GALNT18: variants seen among roughly 807,000 people sequenced by gnomAD.
The protein encoded by GALNT18 is polypeptide N-acetylgalactosaminyltransferase 18.
GALNT18 carries 44 observed loss-of-function variants against 69.5 expected under a neutral mutation model. The ratio of observed to expected loss-of-function variants is 0.63; its 90% CI spans 0.50 to 0.81. The LOEUF (loss-of-function observed/expected upper bound fraction) is 0.81, where lower values mean the gene tolerates loss of function less well. GALNT18 is among the 40% of genes least tolerant of loss of function. The pLI is 0.00. For synonymous variants in GALNT18, 364 were observed against 318.2 expected, an observed-to-expected ratio of 1.14 and a Z score of -1.53; for missense variants, 715 against 810.0, an observed-to-expected ratio of 0.88 and a Z score of 1.42.
intron 3 of GALNT18, among the ~76,000 whole-genome samples, chr11:11,403,166 C>T (rs889279855): frequency 3.9e-5 from 6 of 152,172 alleles, no homozygotes; most frequent in African/African-American, 1.2e-4. Context: ...TTGCGGCATC[C>T]TTCTCAAAGC....
chr11:11,604,034 T>A lies in GALNT18; in HGVS notation c.235+17325A>T, dbSNP rs1280256373. The stretch of plus-strand genomic sequence containing the variant: ...CCTCAGAAAGCTGTTTTGTCTATTC[T>A]ACCATGTGAAACACAAAGGTGCCAT... On this transcript the variant is annotated intron_variant, in intron 1 of 10. Transcript: ENST00000227756. The surrounding 1 kb of genome is among the most constrained non-coding windows in gnomAD (Gnocchi z 5.6). 6.6e-6 allele frequency among the ~76,000 whole-genome samples: 1 copy of A among 152,162 alleles called. No homozygotes were observed. Among genetic ancestry groups the A allele is most frequent in the Non-Finnish European group, 1.5e-5 (1 of 68,030 alleles).
chr11:11,275,812 CAG>C (rs1848931927), intron 10 of GALNT18, among the ~76,000 whole-genome samples: 1 of 151,918 alleles, frequency 6.6e-6, no homozygotes, highest in African/African-American at 2.4e-5. Context: ...TTGCTTGTTT[CAG>C]TCAGGTTTGT....
chr11:11,399,541 T>C (rs1854414345), intron 3 of GALNT18, among the ~76,000 whole-genome samples: 1 of 152,124 alleles, frequency 6.6e-6, no homozygotes, highest in African/African-American at 2.4e-5. Context: ...CAGGAACACA[T>C]GTAAACAACA....
At chr11:11,323,501 G>C (rs950430599) in intron 9 of GALNT18, among the ~76,000 whole-genome samples, 3 of 152,220 alleles carry the variant, frequency 2.0e-5, no homozygotes, top group Non-Finnish European at 4.4e-5. Context: ...CTGCCCTCCA[G>C]GTCCACTGGG....
In GALNT18 at chr11:11,271,221, C is replaced by T. The variant is rs202042081; in HGVS notation, c.1747G>A (p.Gly583Ser). 106 of 1,614,084 alleles carry T rather than the reference C, an allele frequency of 6.6e-5. No individual in the cohort carries two copies. Among genetic ancestry groups the T allele is most frequent in the Middle Eastern group, 3.3e-4 (2 of 6,060 alleles). Residue 583 changes from glycine to serine, a missense_variant, in exon 11 of 11, where the codon GGC becomes AGC. By Grantham distance (56) the Gly-to-Ser change is moderately conservative. Coordinates refer to ENST00000227756, the MANE Select transcript of GALNT18 (RefSeq NM_198516.3). ...CACTTCTGCAACACCAGCTGGAAGC[C>T]GAACTCCAGGTCGCTATTCTCCTGC... ...ELQENSDLEF[G>S]FQLVLQKCSG...
chr11:11,374,365 C>T (rs1269959645), intron 5 of GALNT18, among the ~76,000 whole-genome samples: 2 of 152,206 alleles, frequency 1.3e-5, no homozygotes, highest in African/African-American at 4.8e-5. Context: ...TGGGACATAA[C>T]TGGCACTCAA....
chr11:11,479,441 A>G (rs1163595458), intron 1 of GALNT18, among the ~76,000 whole-genome samples: 1 of 152,222 alleles, frequency 6.6e-6, no homozygotes, highest in African/African-American at 2.4e-5. Flanking sequence ...ATTGAATCAG[A>G]AAACAGTGGT....
chr11:11,530,906 A>T (rs1398683540), intron 1 of GALNT18, among the ~76,000 whole-genome samples: 4 of 152,204 alleles, frequency 2.6e-5, no homozygotes, highest in African/African-American at 9.6e-5. Flanking sequence ...CCAAGGAGGT[A>T]GGGTCAAGTG....
intron 3 of GALNT18, among the ~76,000 whole-genome samples, chr11:11,399,605 G>T (rs1854415878): frequency 6.6e-6 from 1 of 152,216 alleles, no homozygotes; most frequent in South Asian, 2.1e-4. Context: ...GAGAGTCAGT[G>T]CAGTATAATG....
chr11:11,408,274 C>T (rs1024270383), intron 3 of GALNT18, among the ~76,000 whole-genome samples: 15 of 145,130 alleles, frequency 1.0e-4, no homozygotes, highest in Non-Finnish European at 2.1e-4. Flanking sequence ...AGGCTGAGGC[C>T]GGAAAATTGC....
chr11:11,382,123 G>C lies in GALNT18; in HGVS notation c.596-2859C>G, dbSNP rs1170581433. On this transcript the variant is annotated intron_variant, in intron 3 of 10. Coordinates refer to ENST00000227756, the MANE Select transcript of GALNT18 (RefSeq NM_198516.3). The surrounding 1 kb of genome is among the most constrained non-coding windows in gnomAD (Gnocchi z 4.3). The stretch of plus-strand genomic sequence containing the variant: ...ACACTGAGCTAGAGTAAAGGCTTCT[G>C]GTGGACCAGATAGTAGAAAAATTCC... 1.3e-5 allele frequency among the ~76,000 whole-genome samples: 2 copies of C among 152,134 alleles called. No homozygotes were observed. The highest frequency in any genetic ancestry group is 1.5e-5 in the Non-Finnish European group (1 of 68,022).
In GALNT18 at chr11:11,435,546, T is replaced by C. The variant is rs569505984; in HGVS notation, c.429-2759A>G. Among the ~76,000 whole-genome samples the C allele has an allele frequency of 2.6e-4, 40 of 152,358 alleles. No homozygotes were observed. Among genetic ancestry groups the C allele is most frequent in the African/African-American group, 7.9e-4 (33 of 41,588 alleles). ...GCATCACATTCGAACCTGTTTATTG[T>C]CTGCCCCTCTCTACTAGAATGAAGC... On this transcript the variant is annotated intron_variant, in intron 2 of 10. Transcript: ENST00000227756. This position sits in a 1 kb window ranked among gnomAD's most constrained non-coding sequence, Gnocchi z 4.4.
chr11:11,275,172 G>C (rs1004218167), intron 10 of GALNT18, among the ~76,000 whole-genome samples: 1 of 152,224 alleles, frequency 6.6e-6, no homozygotes. Context: ...CAGTGTAAAA[G>C]TGTTCCTATT....
At chr11:11,353,267 T>C (rs2129524) in intron 6 of GALNT18, 917,931 of 930,132 alleles carry the variant, frequency 0.99, 453,681 homozygotes, top group East Asian at 1. Context: ...CCGCTCTCCC[T>C]TCTGCTCACA....
chr11:11,444,757 C>T lies in GALNT18; in HGVS notation c.428+3987G>A, dbSNP rs1234687863. The stretch of plus-strand genomic sequence containing the variant: ...GATCTAGGAATGAAGCCAAGAATAA[C>T]ATCAGGGTTAGAATTTGGAAGAAAA... On this transcript the variant is annotated intron_variant, in intron 2 of 10. Coordinates refer to ENST00000227756, the MANE Select transcript of GALNT18 (RefSeq NM_198516.3). This position sits in a 1 kb window ranked among gnomAD's most constrained non-coding sequence, Gnocchi z 4.4. 1.3e-5 allele frequency among the ~76,000 whole-genome samples: 2 copies of T among 152,126 alleles called. No homozygotes were observed. The highest frequency in any genetic ancestry group is 2.9e-5 in the Non-Finnish European group (2 of 68,042).
intron 9 of GALNT18, among the ~76,000 whole-genome samples, chr11:11,299,386 A>G (rs1206099645): frequency 1.3e-5 from 2 of 152,102 alleles, no homozygotes; most frequent in Admixed American, 1.3e-4. Flanking sequence ...CCTCAGGTGA[A>G]CTGCTCGCCT....
At chr11:11,271,700 TAG>T (rs1486094323) in intron 10 of GALNT18, among the ~76,000 whole-genome samples, 1 of 151,066 alleles carries the variant, frequency 6.6e-6, no homozygotes, top group Non-Finnish European at 1.5e-5. Flanking sequence ...TTCCTGCTCC[TAG>T]GGTCCATGCC....
chr11:11,552,809 T>G (rs1413671079), intron 1 of GALNT18, among the ~76,000 whole-genome samples: 2 of 152,100 alleles, frequency 1.3e-5, no homozygotes, highest in Non-Finnish European at 2.9e-5. Context: ...TCAGCCTTTC[T>G]CAAGAAAGAC....
At chr11:11,446,064 G>C (rs754656215) in intron 2 of GALNT18, among the ~76,000 whole-genome samples, 2 of 152,184 alleles carry the variant, frequency 1.3e-5, no homozygotes, top group Non-Finnish European at 2.9e-5. Flanking sequence ...ATGGTGGGCC[G>C]ATGTCAAAGC....
Sources: allele counts gnomAD v4.1 joint callset (sites outside exome capture counted in the v4.1 genomes callset), GRCh38; gene constraint gnomAD v4.1.1; non-coding constraint Gnocchi (gnomAD v3.1); transcripts MANE v1.5; gene names NCBI Gene and HGNC (gene_info 2026-07-23, HGNC 2026-07-21).